Variants in KIRREL3 observed in about 807,000 individuals in gnomAD.
KIRREL3 encodes the protein kirre like nephrin family adhesion molecule 3, also known as kin of IRRE-like protein 3.
Under a neutral mutation model 89.7 loss-of-function variants are expected in KIRREL3, and 36 were observed. That is an observed-to-expected ratio of 0.40 (90% CI 0.31 to 0.53). The LOEUF is 0.53. Among genes scored for constraint, KIRREL3 ranks in the 20% least tolerant of loss-of-function variants. KIRREL3 has a pLI of 0.49. For synonymous variants in KIRREL3, 445 were observed against 441.4 expected, an observed-to-expected ratio of 1.01 and a Z score of -0.10; for missense variants, 864 against 1,056.6, an observed-to-expected ratio of 0.82 and a Z score of 2.53.
chr11:126,589,440 C>A (rs568941075), intron 1 of KIRREL3, among the ~76,000 whole-genome samples: 3 of 152,198 alleles, frequency 2.0e-5, no homozygotes, highest in African/African-American at 2.4e-5. Flanking sequence ...CGCCCACCAG[C>A]AGGCAGGGAC....
At chr11:126,731,773 C>T (rs888167289) in intron 1 of KIRREL3, among the ~76,000 whole-genome samples, 1 of 152,252 alleles carries the variant, frequency 6.6e-6, no homozygotes, top group African/African-American at 2.4e-5. Context: ...AGAAACTAAT[C>T]ACATGTGGTG....
Position 126,455,471 on chromosome 11 carries a change from A to G in KIRREL3, c.848+878T>C, listed in dbSNP as rs1228445892. ...CCTGCCTTCAAGAAGCTCTGTCACAAGGCAGAAACAAGTAAAACAAAAACA... is the reference window on the plus strand; with the variant it reads ...CCTGCCTTCAAGAAGCTCTGTCACAGGGCAGAAACAAGTAAAACAAAAACA... On this transcript the variant is annotated intron_variant, in intron 7 of 16. Coordinates refer to ENST00000525144, the MANE Select transcript of KIRREL3 (RefSeq NM_032531.4). The surrounding 1 kb of genome is among the most constrained non-coding windows in gnomAD (Gnocchi z 6.4). 1.3e-5 allele frequency among the ~76,000 whole-genome samples: 2 copies of G among 152,228 alleles called. No homozygotes were observed. The highest frequency in any genetic ancestry group is 2.9e-5 in the Non-Finnish European group (2 of 68,046).
intron 5 of KIRREL3, among the ~76,000 whole-genome samples, chr11:126,473,056 T>TCCCCCTCGCTACCTAACCC (rs1956958630): frequency 5.4e-4 from 1 of 1,844 alleles, no homozygotes; most frequent in African/African-American, 1.7e-3. Context: ...CCAGCCCCTC[T>TCCCCCTCGCTACCTAACCC]CCCCAGCCCC....
At chr11:126,936,613 G>T (rs552556183) in intron 1 of KIRREL3, 1 of 148,872 alleles carries the variant, frequency 6.7e-6, no homozygotes, top group African/African-American at 2.5e-5. Flanking sequence ...GCTACTACAC[G>T]GATGCACCTC....
intron 1 of KIRREL3, among the ~76,000 whole-genome samples, chr11:126,688,012 T>C (rs1189301851): frequency 1.3e-5 from 2 of 152,228 alleles, no homozygotes; most frequent in Non-Finnish European, 2.9e-5. Context: ...TTTACGAAAA[T>C]GTCAAGGGGA....
Position 126,423,987 on chromosome 11 carries a change from TG to T in KIRREL3, c.*592del, listed in dbSNP as rs1428215310. 6.4e-6 allele frequency: 1 copy of T among 156,720 alleles called. No homozygotes were observed. The allele number at this position is 156,720 out of a possible 1,614,324, so 9.7% of individuals were successfully genotyped here. ...TATGGACACAAAACACCAAACAAAT[TG>T]GGGGTGGGCTCCCGGCCAGCCTGGT... On this transcript the variant is annotated 3_prime_UTR_variant, in exon 17 of 17. Transcript: ENST00000525144.
At chr11:126,572,184 G>T (rs1475748640) in intron 1 of KIRREL3, among the ~76,000 whole-genome samples, 3 of 152,192 alleles carry the variant, frequency 2.0e-5, no homozygotes, top group Non-Finnish European at 2.9e-5. Flanking sequence ...GTTCCCAAAA[G>T]ACTAAGACTG....
At position 126,782,628 on chromosome 11, in the gene KIRREL3, C is replaced by T. The variant is rs775381795; in HGVS notation, c.55+217827G>A. 2.8e-4 allele frequency among the ~76,000 whole-genome samples: 42 copies of T among 152,200 alleles called. No individual in the cohort carries two copies. Among genetic ancestry groups the T allele is most frequent in the Non-Finnish European group, 5.6e-4 (38 of 68,014 alleles). ...TGGATGGCAGATGGTGGGAGCCAGG[C>T]GTTTCACTGTTGGAGTGGGAGGTTA... On this transcript the variant is annotated intron_variant, in intron 1 of 16. Coordinates refer to ENST00000525144, the MANE Select transcript of KIRREL3 (RefSeq NM_032531.4). The surrounding 1 kb of genome is among the most constrained non-coding windows in gnomAD (Gnocchi z 4.1).
chr11:126,539,337 C>T (rs369032743), intron 2 of KIRREL3, among the ~76,000 whole-genome samples: 1 of 152,126 alleles, frequency 6.6e-6, no homozygotes, highest in East Asian at 1.9e-4. Context: ...GTGGGTCAGA[C>T]CGTGTGGGCC....
At chr11:126,660,699 C>T (rs1046522243) in intron 1 of KIRREL3, among the ~76,000 whole-genome samples, 3 of 152,150 alleles carry the variant, frequency 2.0e-5, no homozygotes, top group Non-Finnish European at 1.5e-5. Context: ...TTCAGCATGT[C>T]ACATTGATTG....
intron 1 of KIRREL3, among the ~76,000 whole-genome samples, chr11:126,846,878 A>G (rs1408300719): frequency 6.6e-6 from 1 of 152,200 alleles, no homozygotes; most frequent in Non-Finnish European, 1.5e-5. Context: ...CTTGTAAAAA[A>G]ATTGTGTATG....
chr11:126,468,159 G>A (rs966214804), intron 5 of KIRREL3, among the ~76,000 whole-genome samples: 4 of 152,182 alleles, frequency 2.6e-5, no homozygotes, highest in South Asian at 2.1e-4. Context: ...CTGTCCTCTC[G>A]CCCCTCCTCT....
intron 1 of KIRREL3, among the ~76,000 whole-genome samples, chr11:126,775,361 G>A (rs1284868687): frequency 6.6e-6 from 1 of 152,174 alleles, no homozygotes; most frequent in Non-Finnish European, 1.5e-5. Context: ...TTCCTGCCAG[G>A]ATGGACACTT....
Position 126,424,426 on chromosome 11 carries a change from C to A in KIRREL3, c.*154G>T. The A allele has an allele frequency of 1.6e-5, 8 of 486,418 alleles. No individual in the cohort carries two copies. The highest frequency in any genetic ancestry group is 2.9e-5 in the Non-Finnish European group (8 of 276,190). 30.1% of individuals were successfully genotyped at this position (486,418 alleles called of 1,614,324 possible). A position where few individuals can be genotyped will look rare whatever the true frequency, so the allele number is the denominator to read the frequency against. ...CTGGGGACCCAGATTTGTGCTTGATCAGAGCTTCGAAGGAAGGCAGTGGCA... is the reference window on the plus strand; with the variant it reads ...CTGGGGACCCAGATTTGTGCTTGATAAGAGCTTCGAAGGAAGGCAGTGGCA... On this transcript the variant is annotated 3_prime_UTR_variant, in exon 17 of 17. Transcript: ENST00000525144.
intron 1 of KIRREL3, among the ~76,000 whole-genome samples, chr11:126,863,488 TGC>T (rs1243522391): frequency 4.4e-4 from 22 of 50,554 alleles, no homozygotes; most frequent in African/African-American, 1.4e-3. Context: ...CGTGTGTGAG[TGC>T]GTGTGTGAGT....
In KIRREL3 at chr11:126,526,752, C is replaced by T; in HGVS notation, c.134-65G>A. The T allele has an allele frequency of 6.7e-7, 1 of 1,502,644 alleles. No homozygotes were observed. The highest frequency in any genetic ancestry group is 9.0e-7 in the Non-Finnish European group (1 of 1,108,688). The allele number at this position is 1,502,644 out of a possible 1,614,324, so 93.1% of individuals were successfully genotyped here. A position where few individuals can be genotyped will look rare whatever the true frequency, so the allele number is the denominator to read the frequency against. On this transcript the variant is annotated intron_variant, in intron 2 of 16. Transcript: ENST00000525144. The surrounding 1 kb of genome is among the most constrained non-coding windows in gnomAD (Gnocchi z 5.7). ...CTACAGGGGCGAGAAGGCTCCCCTC[C>T]AGCTATGGAAGCAGAGCAGGGCTGG...
chr11:126,450,407 G>A (rs1452364409), intron 7 of KIRREL3, among the ~76,000 whole-genome samples: 1 of 151,442 alleles, frequency 6.6e-6, no homozygotes, highest in Admixed American at 6.6e-5. Context: ...GTGTGAGTGT[G>A]TGCATGTGTG....
Position 126,867,184 on chromosome 11 carries a change from C to T in KIRREL3, c.55+133271G>A, listed in dbSNP as rs543881514. Among the ~76,000 whole-genome samples the T allele has an allele frequency of 1.3e-5, 2 of 152,246 alleles. No individual in the cohort carries two copies. Among genetic ancestry groups the T allele is most frequent in the African/African-American group, 2.4e-5 (1 of 41,464 alleles). On this transcript the variant is annotated intron_variant, in intron 1 of 16. Coordinates refer to ENST00000525144, the MANE Select transcript of KIRREL3 (RefSeq NM_032531.4). This position sits in a 1 kb window ranked among gnomAD's most constrained non-coding sequence, Gnocchi z 4.7. The stretch of plus-strand genomic sequence containing the variant: ...CAATCTGCCTGTCTGCCTGCTCCCC[C>T]CAGGGGTTTGAGCAGCGGGGCATCT...
intron 1 of KIRREL3, among the ~76,000 whole-genome samples, chr11:126,838,142 G>T (rs1943841981): frequency 6.6e-6 from 1 of 152,194 alleles, no homozygotes; most frequent in South Asian, 2.1e-4. Context: ...GAAGGGAAAG[G>T]ATTGTTAATA....
Sources: allele counts gnomAD v4.1 joint callset (sites outside exome capture counted in the v4.1 genomes callset), GRCh38; gene constraint gnomAD v4.1.1; non-coding constraint Gnocchi (gnomAD v3.1); transcripts MANE v1.5; gene names NCBI Gene and HGNC (gene_info 2026-07-23, HGNC 2026-07-21).